Variants in SLC24A2 observed in about 807,000 individuals in gnomAD.
SLC24A2 encodes the protein sodium/potassium/calcium exchanger 2.
In SLC24A2, 36 loss-of-function variants were observed where a neutral mutation model predicts 62.0. The observed-to-expected ratio is 0.58, with a 90% CI of 0.44 to 0.77. The LOEUF (loss-of-function observed/expected upper bound fraction) is 0.77, where lower values mean the gene tolerates loss of function less well. SLC24A2 is among the 30% of genes least tolerant of loss of function. SLC24A2 has a pLI of 0.00. For missense variants in SLC24A2, 846 were observed against 817.9 expected, an observed-to-expected ratio of 1.03 and a Z score of -0.42; for synonymous variants, 358 against 294.0, an observed-to-expected ratio of 1.22 and a Z score of -2.23.
At chr9:19,691,299 C>T in intron 2 of SLC24A2, among the ~76,000 whole-genome samples, 1 of 152,136 alleles carries the variant, frequency 6.6e-6, no homozygotes, top group East Asian at 1.9e-4. Context: ...ACATGCCAGC[C>T]CCCTGAGACT....
the SLC24A2 span, among the ~76,000 whole-genome samples, chr9:20,026,500 G>A: frequency 1.3e-5 from 2 of 152,116 alleles, no homozygotes; most frequent in Non-Finnish European, 2.9e-5. Flanking sequence ...AATGGCCTCA[G>A]AATTACTCCA....
the SLC24A2 span, among the ~76,000 whole-genome samples, chr9:20,238,228 T>G: frequency 6.6e-6 from 1 of 152,192 alleles, no homozygotes; most frequent in Admixed American, 6.5e-5. Context: ...ACATCCACTC[T>G]AAGAGGCTGA....
the SLC24A2 span, among the ~76,000 whole-genome samples, chr9:19,991,666 T>C: frequency 1.3e-5 from 2 of 152,200 alleles, no homozygotes; most frequent in African/African-American, 2.4e-5. Flanking sequence ...TACCATCCTA[T>C]ACTGTCCTAA....
chr9:20,081,642 A>G, the SLC24A2 span, among the ~76,000 whole-genome samples: 1 of 152,254 alleles, frequency 6.6e-6, no homozygotes, highest in South Asian at 2.1e-4. Flanking sequence ...TAATAATAAT[A>G]AAAGAAATGG....
the SLC24A2 span, among the ~76,000 whole-genome samples, chr9:20,152,320 C>T: frequency 6.6e-6 from 1 of 151,878 alleles, no homozygotes; most frequent in African/African-American, 2.4e-5. Context: ...CATAAGGTTT[C>T]GTATTCCTCT....
chr9:20,125,247 A>T, the SLC24A2 span, among the ~76,000 whole-genome samples: 2 of 152,154 alleles, frequency 1.3e-5, no homozygotes, highest in East Asian at 3.9e-4. Flanking sequence ...CATAATACTC[A>T]ATTTTTAGAA....
intron 2 of SLC24A2, chr9:19,705,523 G>A (rs1490141453): frequency 4.4e-6 from 1 of 226,780 alleles, no homozygotes; most frequent in Non-Finnish European, 9.7e-6. Context: ...TTCTCCAGCA[G>A]ATCCAGCTTG....
At chr9:20,200,198 A>G in the SLC24A2 span, among the ~76,000 whole-genome samples, 1 of 152,074 alleles carries the variant, frequency 6.6e-6, no homozygotes, top group African/African-American at 2.4e-5. Flanking sequence ...CATTCCACAG[A>G]GTAGCCTCTG....
At chr9:19,947,809 AAAGAAAGAAAGAAAGAAAGAAAG>A in the SLC24A2 span, among the ~76,000 whole-genome samples, 14 of 83,798 alleles carry the variant, frequency 1.7e-4, no homozygotes, top group Middle Eastern at 6.8e-3. Context: ...AAAAAAAAAA[AAAGAAAGAAAGAAAGAAAGAAAG>A]AAAGAAAGAA....
the SLC24A2 span, among the ~76,000 whole-genome samples, chr9:20,194,377 T>C: frequency 6.6e-6 from 1 of 152,104 alleles, no homozygotes; most frequent in East Asian, 1.9e-4. Flanking sequence ...GATCCTTTGG[T>C]ACTCTTCATC....
chr9:20,081,932 T>C, the SLC24A2 span, among the ~76,000 whole-genome samples: 3 of 152,184 alleles, frequency 2.0e-5, no homozygotes, highest in Non-Finnish European at 4.4e-5. Context: ...GTATTGTAGC[T>C]TTGTTCCCTC....
chr9:19,972,561 T>C, the SLC24A2 span, among the ~76,000 whole-genome samples: 1 of 152,180 alleles, frequency 6.6e-6, no homozygotes, highest in Non-Finnish European at 1.5e-5. Context: ...GGCTGTGAAC[T>C]CTTTCTTTCC....
intron 8 of SLC24A2, among the ~76,000 whole-genome samples, chr9:19,534,918 C>T (rs1479049481): frequency 6.6e-6 from 1 of 152,206 alleles, no homozygotes; most frequent in Non-Finnish European, 1.5e-5. Flanking sequence ...ATTCTAGATC[C>T]TTGAGGAATT....
At chr9:19,778,312 C>T (rs1259654476) in intron 2 of SLC24A2, among the ~76,000 whole-genome samples, 3 of 152,158 alleles carry the variant, frequency 2.0e-5, no homozygotes, top group Admixed American at 6.5e-5. Flanking sequence ...ATTGCTTTGC[C>T]TTCAAGGTAT....
the SLC24A2 span, among the ~76,000 whole-genome samples, chr9:19,819,698 C>A: frequency 4.6e-5 from 7 of 151,324 alleles, no homozygotes; most frequent in South Asian, 2.1e-4. Context: ...AATAAAAAAA[C>A]CAACAGTAGA....
the SLC24A2 span, among the ~76,000 whole-genome samples, chr9:20,046,668 A>G: frequency 6.6e-6 from 1 of 152,226 alleles, no homozygotes; most frequent in Non-Finnish European, 1.5e-5. Flanking sequence ...AGAATGAGAG[A>G]AAAACAGTTT....
At chr9:20,215,280 A>G in the SLC24A2 span, among the ~76,000 whole-genome samples, 1 of 152,206 alleles carries the variant, frequency 6.6e-6, no homozygotes, top group African/African-American at 2.4e-5. Context: ...AAGGTCTCAC[A>G]TTCAAATACC....
the SLC24A2 span, among the ~76,000 whole-genome samples, chr9:19,986,777 T>TG: frequency 6.6e-6 from 1 of 152,024 alleles, no homozygotes; most frequent in East Asian, 1.9e-4. Flanking sequence ...TGCCCGAGGC[T>TG]GGGGGAGGGG....
At chr9:19,965,150 A>AAAAG in the SLC24A2 span, among the ~76,000 whole-genome samples, 2 of 152,074 alleles carry the variant, frequency 1.3e-5, no homozygotes, top group Non-Finnish European at 1.5e-5. Context: ...AGTGGAAGAG[A>AAAAG]AAAGGTAGAA....
Sources: allele counts gnomAD v4.1 joint callset (sites outside exome capture counted in the v4.1 genomes callset), GRCh38; gene constraint gnomAD v4.1.1; transcripts MANE v1.5; gene names NCBI Gene and HGNC (gene_info 2026-07-23, HGNC 2026-07-21).